The following ADAP2 variants were observed in gnomAD, a reference collection of about 807,000 sequenced individuals.
ADAP2 encodes arf-GAP with dual PH domain-containing protein 2.
ADAP2 carries 42 observed loss-of-function variants against 54.9 expected under a neutral mutation model. The observed-to-expected ratio is 0.77, with a 90% confidence interval of 0.60 to 0.99. The LOEUF is 0.99. Ranked by LOEUF, ADAP2 falls within the 50% of genes least tolerant of loss-of-function variation. The pLI is 0.00. For missense variants in ADAP2, 429 were observed against 480.4 expected (o/e 0.89, Z 1.00); for synonymous variants, 177 against 180.1 (o/e 0.98, Z 0.14).
intron 5 of ADAP2, 120 bp from the exon 6 acceptor site, chr17:30,944,787 G>A: frequency 9.5e-7 from 1 of 1,057,356 alleles, no homozygotes; most frequent in South Asian, 1.5e-5. Context: ...ATGAGAGCAA[G>A]AACATTTAAA....
intron 7 of ADAP2, among the ~76,000 whole-genome samples, chr17:30,952,289 G>A (rs1435308322): frequency 6.6e-6 from 1 of 152,178 alleles, no homozygotes; most frequent in Non-Finnish European, 1.5e-5. Context: ...TGCAGCTGAT[G>A]GAGGCCAGAA....
intron 1 of ADAP2, 127 bp from the exon 2 acceptor site, chr17:30,922,813 C>A: frequency 8.9e-7 from 1 of 1,120,112 alleles, no homozygotes; most frequent in Non-Finnish European, 1.3e-6. Flanking sequence ...CAGAAGGTGC[C>A]AGGCTGGCCG....
intron 3 of ADAP2, among the ~76,000 whole-genome samples, chr17:30,931,285 G>A (rs1427456162): frequency 3.9e-5 from 6 of 152,162 alleles, no homozygotes; most frequent in Non-Finnish European, 5.9e-5. Context: ...TTCCCCCAGA[G>A]GACATTTGGC....
chr17:30,943,685 A>G (rs575929680), intron 5 of ADAP2, among the ~76,000 whole-genome samples: 32 of 151,696 alleles, frequency 2.1e-4, no homozygotes, highest in African/African-American at 7.3e-4. Context: ...CATCTCTACT[A>G]AAAATACAAA....
intron 7 of ADAP2, among the ~76,000 whole-genome samples, chr17:30,950,325 A>G (rs1904536144): frequency 6.6e-6 from 1 of 152,178 alleles, no homozygotes; most frequent in East Asian, 1.9e-4. Context: ...AGGCTGGGCC[A>G]GGGAGACCCG....
intron 10 of ADAP2, 43 bp from the exon 11 acceptor site, chr17:30,957,792 T>C (rs775540097): frequency 1.2e-6 from 2 of 1,609,014 alleles, no homozygotes; most frequent in Admixed American, 3.3e-5. Context: ...CAGGACAGCA[T>C]TGGCATGGCC....
At chr17:30,934,972 G>C (rs1911767257) in intron 5 of ADAP2, among the ~76,000 whole-genome samples, 1 of 152,172 alleles carries the variant, frequency 6.6e-6, no homozygotes, top group African/African-American at 2.4e-5. Context: ...AGAACTGCTT[G>C]AGCATGGGAG....
intron 5 of ADAP2, among the ~76,000 whole-genome samples, chr17:30,936,441 A>C (rs1911886681): frequency 6.6e-6 from 1 of 152,038 alleles, no homozygotes; most frequent in Non-Finnish European, 1.5e-5. Flanking sequence ...AGGATTATAG[A>C]TGTGAGCCAC....
At chr17:30,932,095 C>T in intron 4 of ADAP2, 127 bp downstream of exon 4, 2 of 805,856 alleles carry the variant, frequency 2.5e-6, no homozygotes, top group Non-Finnish European at 4.0e-6. Context: ...CCGCAGAGGC[C>T]AAGGTGTGGG....
rs1027830844 is a variant in ADAP2, at chr17:30,922,080, C to T, written c.66C>T (p.Asn22=). 4.4e-5 allele frequency: 55 copies of T among 1,256,298 alleles called. No individual in the cohort carries two copies. In the African/African-American group the frequency reaches 7.9e-4, roughly 18 times the overall value. The allele number at this position is 1,256,298 out of a possible 1,614,324, so 77.8% of individuals were successfully genotyped here. A position where few individuals can be genotyped will look rare whatever the true frequency, so the allele number is the denominator to read the frequency against. Residue 22 remains asparagine, a synonymous_variant, in exon 1 of 11, where the codon AAC becomes AAT. Transcript: ENST00000330889. The part of the protein sequence containing the change: ...LELLRAPDTG[N]AHCADCGAAD... ...TGCTGCGGGCGCCGGACACAGGCAA[C>T]GCGCACTGCGCCGACTGCGGGGCGG...
chr17:30,945,125 T>G, intron 6 of ADAP2, 72 bp downstream of exon 6: 1 of 1,542,852 alleles, frequency 6.5e-7, no homozygotes. Flanking sequence ...GCTCACCACC[T>G]CCCCTGCTCA....
At chr17:30,937,977 G>T (rs1174215299) in intron 5 of ADAP2, among the ~76,000 whole-genome samples, 1 of 152,198 alleles carries the variant, frequency 6.6e-6, no homozygotes, top group African/African-American at 2.4e-5. Context: ...TGGAGGCTTG[G>T]AGAGAGTTTG....
chr17:30,947,422 C>T (rs1291298276), intron 6 of ADAP2, among the ~76,000 whole-genome samples: 2 of 151,998 alleles, frequency 1.3e-5, no homozygotes, highest in East Asian at 1.9e-4. Context: ...GGTGCAATCT[C>T]GGCTCACTGC....
chr17:30,954,449 T>A, intron 8 of ADAP2, 29 bp from the exon 9 acceptor site: 1 of 1,607,582 alleles, frequency 6.2e-7, no homozygotes, highest in Non-Finnish European at 8.5e-7. Context: ...GACCTGGTCA[T>A]CTGTGGTAAG....
At chr17:30,936,561 A>G (rs931050674) in intron 5 of ADAP2, among the ~76,000 whole-genome samples, 2 of 152,130 alleles carry the variant, frequency 1.3e-5, no homozygotes, top group African/African-American at 4.8e-5. Context: ...GATGTTGAGC[A>G]TCTTTTTAAT....
intron 5 of ADAP2, among the ~76,000 whole-genome samples, chr17:30,937,259 T>C (rs537283125): frequency 2.6e-5 from 4 of 151,878 alleles, no homozygotes; most frequent in Admixed American, 1.3e-4. Flanking sequence ...TTTCACTCTA[T>C]TGCTCAGGTT....
intron 5 of ADAP2, among the ~76,000 whole-genome samples, chr17:30,935,787 T>C (rs76024485): frequency 0.018 from 2,704 of 152,176 alleles, 95 homozygotes; most frequent in African/African-American, 0.061. Flanking sequence ...TTGGTGGGTG[T>C]AGGGCATCAA....
chr17:30,924,859 C>CTT (rs199816533), intron 2 of ADAP2, among the ~76,000 whole-genome samples: 33 of 149,284 alleles, frequency 2.2e-4, no homozygotes, highest in African/African-American at 7.6e-4. Context: ...GTTATATTTT[C>CTT]TTTTTTGTTT....
At chr17:30,949,442 C>T (rs1224665032) in intron 7 of ADAP2, 72 bp downstream of exon 7, 16 of 1,421,800 alleles carry the variant, frequency 1.1e-5, no homozygotes, top group East Asian at 2.3e-5. Context: ...CTGTTGACCT[C>T]GAAGACACTC....
Sources: gnomAD v4.1 joint callset for allele counts (sites outside exome capture counted in the v4.1 genomes callset) on GRCh38, gnomAD v4.1.1 for gene constraint, MANE v1.5 for transcripts, NCBI Gene and HGNC (gene_info 2026-07-23, HGNC 2026-07-21) for gene names.